RBM48: variants seen among roughly 807,000 people sequenced by gnomAD.
The protein encoded by RBM48 is RNA binding motif protein 48, also known as RNA-binding protein 48.
RBM48 carries 32 observed loss-of-function variants against 34.8 expected under a neutral mutation model. The ratio of observed to expected loss-of-function variants is 0.92; its 90% CI spans 0.69 to 1.23. The LOEUF (loss-of-function observed/expected upper bound fraction) is 1.23, where lower values mean the gene tolerates loss of function less well. RBM48 is among the 50% of genes most tolerant of loss of function. The probability of loss-of-function intolerance (pLI) is 0.00; values close to 1 mark genes in which losing one functional copy is unlikely to be tolerated. For synonymous variants in RBM48, 151 were observed against 156.2 expected, an observed-to-expected ratio of 0.97 and a Z score of 0.25; for missense variants, 441 against 447.2, an observed-to-expected ratio of 0.99 and a Z score of 0.12.
chr7:92,536,498 A>C, intron 4 of RBM48: 1 of 991,092 alleles, frequency 1.0e-6, no homozygotes, highest in Non-Finnish European at 1.2e-6. Context: ...CAAATCTATC[A>C]AACGTTATCA....
Position 92,538,870 on chromosome 7 carries a change from A to G in RBM48, c.*1933A>G, listed in dbSNP as rs1239284484. Among the ~76,000 whole-genome samples the G allele has an allele frequency of 6.6e-6, 1 of 152,208 alleles. No homozygotes were observed. Among genetic ancestry groups the G allele is most frequent in the Non-Finnish European group, 1.5e-5 (1 of 68,032 alleles). ...TGACAGTTAAGGAGAGGAGCTGCTAAATGGGTCGTGTGTTTCTGAATGGGT... is the reference window on the plus strand; with the variant it reads ...TGACAGTTAAGGAGAGGAGCTGCTAGATGGGTCGTGTGTTTCTGAATGGGT... On this transcript the variant is annotated 3_prime_UTR_variant, in exon 5 of 5. Coordinates refer to ENST00000265732, the MANE Select transcript of RBM48 (RefSeq NM_032120.4).
At position 92,539,817 on chromosome 7, in the gene RBM48, T is replaced by C. The variant is rs1453729674; in HGVS notation, c.*2880T>C. Among the ~76,000 whole-genome samples, 4 of 152,200 alleles carry C rather than the reference T, an allele frequency of 2.6e-5. No homozygotes were observed. The highest frequency in any genetic ancestry group is 9.7e-5 in the African/African-American group (4 of 41,450). On this transcript the variant is annotated 3_prime_UTR_variant, in exon 5 of 5. Transcript: ENST00000265732. Reference sequence around the variant, plus strand: ...CTGATACTTGCAGCTCAGAAAACTTTTGTCAGATGCATACATGAAAAACCT... The same window carrying C: ...CTGATACTTGCAGCTCAGAAAACTTCTGTCAGATGCATACATGAAAAACCT...
intron 3 of RBM48, 46 bp from the exon 4 acceptor site, chr7:92,534,356 C>A (rs1410468684): frequency 6.4e-7 from 1 of 1,553,840 alleles, no homozygotes; most frequent in African/African-American, 1.4e-5. Context: ...AAACAATAAA[C>A]CACTTCTGTT....
intron 4 of RBM48, chr7:92,535,475 AT>A: frequency 2.0e-6 from 2 of 993,846 alleles, no homozygotes; most frequent in Non-Finnish European, 2.4e-6. Context: ...GACTTCTTAA[AT>A]GATCGGGATC....
intron 4 of RBM48, chr7:92,536,161 CCTTA>C (rs1458802885): frequency 2.7e-5 from 27 of 985,252 alleles, no homozygotes; most frequent in South Asian, 2.4e-4. Context: ...GTGCTGCCAC[CCTTA>C]CTTCCTTCCT....
At position 92,539,604 on chromosome 7, in the gene RBM48, C is replaced by A. The variant is rs1398681497; in HGVS notation, c.*2667C>A. On this transcript the variant is annotated 3_prime_UTR_variant, in exon 5 of 5. Transcript: ENST00000265732. ...ATCCCAGCTACTCGGGAGGCTGAGG[C>A]ATGAGAATTACTTGAACCCAGGAGG... Among the ~76,000 whole-genome samples the A allele has an allele frequency of 6.6e-6, 1 of 152,146 alleles. No homozygotes were observed. Among genetic ancestry groups the A allele is most frequent in the Admixed American group, 6.5e-5 (1 of 15,280 alleles).
intron 2 of RBM48, 47 bp from the exon 3 acceptor site, chr7:92,532,357 A>C (rs1461048020): frequency 1.3e-6 from 2 of 1,531,384 alleles, no homozygotes; most frequent in Non-Finnish European, 1.8e-6. Context: ...CTTTCATCCC[A>C]AGTAAATCTA....
intron 1 of RBM48, 176 bp from the exon 2 acceptor site, chr7:92,529,300 C>T (rs1245467633): frequency 5.1e-6 from 3 of 587,698 alleles, no homozygotes; most frequent in African/African-American, 1.9e-5. Flanking sequence ...TAGCCTCTCA[C>T]ATGGACTGTT....
intron 4 of RBM48, chr7:92,536,211 C>T: frequency 6.1e-6 from 6 of 984,920 alleles, no homozygotes; most frequent in Non-Finnish European, 7.2e-6. Context: ...GACATAGATA[C>T]ATACCTGTCT....
rs1187595286 is a variant in RBM48 at position 92,534,601 on chromosome 7, A to G, written c.648A>G (p.Gly216=). 6.2e-7 allele frequency: 1 copy of G among 1,614,114 alleles called. No individual in the cohort carries two copies. Among genetic ancestry groups the G allele is most frequent in the Non-Finnish European group, 8.5e-7 (1 of 1,180,008 alleles). ...FSSKCMCSSG[G]PVDRAPDSSK... ...CAAAATGTATGTGTTCATCCGGGGGACCTGTAGACAGAGCACCAGACTCCT... is the reference window on the plus strand; with the variant it reads ...CAAAATGTATGTGTTCATCCGGGGGGCCTGTAGACAGAGCACCAGACTCCT... The change falls in exon 4 of 5, where the codon GGA becomes GGG. Residue 216 remains glycine, a synonymous_variant. Transcript: ENST00000265732.
chr7:92,528,989 C>T (rs959817182), intron 1 of RBM48, 65 bp downstream of exon 1: 8 of 1,175,196 alleles, frequency 6.8e-6, no homozygotes, highest in Admixed American at 3.9e-5. Flanking sequence ...CGCCATATGA[C>T]CAGCCTACGG....
chr7:92,528,957 G>A (rs775221578), intron 1 of RBM48, 33 bp downstream of exon 1: 3 of 1,505,676 alleles, frequency 2.0e-6, no homozygotes, highest in African/African-American at 2.8e-5. Context: ...CGCTCTCCTC[G>A]GTAGCTTTAT....
rs935655484 is a variant in RBM48, at chr7:92,538,386, C to T, written c.*1449C>T. 5.3e-5 allele frequency among the ~76,000 whole-genome samples: 8 copies of T among 152,230 alleles called. No homozygotes were observed. Among genetic ancestry groups the T allele is most frequent in the African/African-American group, 1.9e-4 (8 of 41,542 alleles). ...GGTCAGTGGCGTCGGTTGGTTTTGC[C>T]ACTGGCTCCATTCCTGTTGTTTTTC... On this transcript the variant is annotated 3_prime_UTR_variant, in exon 5 of 5. Coordinates refer to ENST00000265732, the MANE Select transcript of RBM48 (RefSeq NM_032120.4).
At chr7:92,530,637 A>G (rs1793550737) in intron 2 of RBM48, among the ~76,000 whole-genome samples, 1 of 151,842 alleles carries the variant, frequency 6.6e-6, no homozygotes, top group African/African-American at 2.4e-5. Context: ...CCCTCACTCT[A>G]CTAAATACAA....
Position 92,538,967 on chromosome 7 carries a change from G to C in RBM48, c.*2030G>C, listed in dbSNP as rs971045317. ...ACCAACATAATTCATCATGAGGAGA[G>C]ACAGAAAGAAACCTTTGTGGTGTCA... On this transcript the variant is annotated 3_prime_UTR_variant, in exon 5 of 5. Coordinates refer to ENST00000265732, the MANE Select transcript of RBM48 (RefSeq NM_032120.4). 6.6e-6 allele frequency among the ~76,000 whole-genome samples: 1 copy of C among 152,196 alleles called. No homozygotes were observed. The highest frequency in any genetic ancestry group is 1.5e-5 in the Non-Finnish European group (1 of 68,026).
In RBM48 at chr7:92,534,943, G is replaced by A. The variant is rs199804649; in HGVS notation, c.990G>A (p.Ala330=). 7.6e-5 allele frequency: 122 copies of A among 1,613,952 alleles called. No individual in the cohort carries two copies. Among genetic ancestry groups the A allele is most frequent in the Non-Finnish European group, 5.7e-5 (67 of 1,180,002 alleles). The change falls in exon 4 of 5, where the codon GCG becomes GCA. Residue 330 remains alanine (A), a synonymous_variant. Transcript: ENST00000265732. The part of the protein sequence containing the change: ...DMHDDSLNTT[A]NLIRHKLKEV... ...ACGATGACTCATTGAATACAACGGC[G>A]AATTTAATTCGGCATAAACTTAAAG...
At chr7:92,529,273 C>T (rs1793473817) in intron 1 of RBM48, 4 of 575,944 alleles carry the variant, frequency 6.9e-6, no homozygotes, top group East Asian at 2.9e-5. Flanking sequence ...TGAAGGTAGT[C>T]TGTTATATGC....
rs1793821366 is a variant in RBM48 at position 92,539,885 on chromosome 7, A to G, written c.*2948A>G. 1.3e-5 allele frequency among the ~76,000 whole-genome samples: 2 copies of G among 152,236 alleles called. No homozygotes were observed. The highest frequency in any genetic ancestry group is 2.9e-5 in the Non-Finnish European group (2 of 68,044). On this transcript the variant is annotated 3_prime_UTR_variant, in exon 5 of 5. Transcript: ENST00000265732. ...TCTATGTCTCCAAAATTTTAAAAAC[A>G]TTGACAGCAATTGTATTGAAAGAGA... is the stretch of plus-strand genomic sequence containing the variant.
intron 3 of RBM48, among the ~76,000 whole-genome samples, chr7:92,532,949 T>C (rs1174660518): frequency 6.6e-6 from 1 of 152,162 alleles, no homozygotes; most frequent in African/African-American, 2.4e-5. Flanking sequence ...GAAAAGTGGG[T>C]AAGAAGTGAA....
Sources: allele counts gnomAD v4.1 joint callset (sites outside exome capture counted in the v4.1 genomes callset), GRCh38; gene constraint gnomAD v4.1.1; transcripts MANE v1.5; gene names NCBI Gene and HGNC (gene_info 2026-07-23, HGNC 2026-07-21).